The following METTL22 variants were observed in gnomAD, a reference collection of about 807,000 sequenced individuals.
The protein encoded by METTL22 is methyltransferase-like protein 22.
Under a neutral mutation model 48.4 loss-of-function variants are expected in METTL22, and 51 were observed. That is an observed-to-expected ratio of 1.05 (90% CI 0.84 to 1.33). METTL22 has a LOEUF of 1.33. Among genes scored for constraint, METTL22 ranks in the 40% most tolerant of loss-of-function variants. The probability of loss-of-function intolerance (pLI) is 0.00; values close to 1 mark genes in which losing one functional copy is unlikely to be tolerated. For missense variants in METTL22, 678 were observed against 526.9 expected, an observed-to-expected ratio of 1.29 and a Z score of -2.81; for synonymous variants, 255 against 214.1, an observed-to-expected ratio of 1.19 and a Z score of -1.67.
At chr16:8,654,686 C>G in the METTL22 span, among the ~76,000 whole-genome samples, 1 of 152,116 alleles carries the variant, frequency 6.6e-6, no homozygotes, top group Non-Finnish European at 1.5e-5. Flanking sequence ...GAGAAAAGTT[C>G]AGAGGGCAAA....
chr16:8,636,053 T>C (rs1013011290), intron 5 of METTL22, among the ~76,000 whole-genome samples: 10 of 152,188 alleles, frequency 6.6e-5, no homozygotes, highest in African/African-American at 2.4e-4. Context: ...GGGCTTTTAG[T>C]GGACCTTCCA....
chr16:8,646,834 C>A lies in METTL22; in HGVS notation c.*691C>A. The A allele has an allele frequency of 5.3e-6, 2 of 377,088 alleles. No individual in the cohort carries two copies. The highest frequency in any genetic ancestry group is 4.0e-5 in the South Asian group (2 of 50,528). The allele number at this position is 377,088 out of a possible 1,614,324, so 23.4% of individuals were successfully genotyped here. ...CCTTCCGCCTGGACTCATTTTCCCT[C>A]CGCCCCTTGGTCTCTCTGTCTTATC... On this transcript the variant is annotated 3_prime_UTR_variant, in exon 11 of 11. Coordinates refer to ENST00000381920, the MANE Select transcript of METTL22 (RefSeq NM_024109.4).
downstream of METTL22, among the ~76,000 whole-genome samples, chr16:8,650,345 A>G (rs2056876543): frequency 1.3e-5 from 2 of 152,104 alleles, no homozygotes. Flanking sequence ...AAAAAAACCC[A>G]CCAACTCCGG....
downstream of METTL22, among the ~76,000 whole-genome samples, chr16:8,652,060 G>A (rs923763976): frequency 6.6e-6 from 1 of 152,176 alleles, no homozygotes; most frequent in Non-Finnish European, 1.5e-5. Context: ...GCTTTATCCT[G>A]CTGATCCCAG....
the METTL22 span, among the ~76,000 whole-genome samples, chr16:8,662,079 CA>C: frequency 6.9e-6 from 1 of 144,878 alleles, no homozygotes; most frequent in South Asian, 2.2e-4. Context: ...CTGTCTCTAC[CA>C]AAAGAAAAAC....
Position 8,628,905 on chromosome 16 carries a change from G to A in METTL22, c.309G>A (p.Gly103=), listed in dbSNP as rs1452128904. ...HGNEGFSLQA[G]TDTTGQEVAE... ...ATGAGGGTTTCTCCCTCCAGGCCGG[G>A]ACTGACACCACTGGCCAGGAAGTGG... Residue 103 remains glycine (G), a synonymous_variant, in exon 3 of 11, where the codon GGG becomes GGA. Transcript: ENST00000381920. 7 of 1,613,842 alleles carry A rather than the reference G, an allele frequency of 4.3e-6. No individual in the cohort carries two copies. The highest frequency in any genetic ancestry group is 5.9e-6 in the Non-Finnish European group (7 of 1,180,012).
chr16:8,643,847 C>G lies in METTL22; in HGVS notation c.1011-710C>G, dbSNP rs190632452. Among the ~76,000 whole-genome samples the G allele has an allele frequency of 1.0e-3, 154 of 152,298 alleles. 3 individuals are homozygous for G. The highest frequency in any genetic ancestry group is 8.4e-3 in the Admixed American group (128 of 15,290). On this transcript the variant is annotated intron_variant, in intron 9 of 10. Transcript: ENST00000381920. ...CAGGCTGGTCTCAAACTCCTGACCTCAGGTGATCTGCCCTCCTCGGCCTCC... is the reference window on the plus strand; with the variant it reads ...CAGGCTGGTCTCAAACTCCTGACCTGAGGTGATCTGCCCTCCTCGGCCTCC...
In METTL22 at chr16:8,642,453, C is replaced by T. The variant is rs755447620; in HGVS notation, c.908-10C>T. On this transcript the variant is annotated splice_polypyrimidine_tract_variant and intron_variant, in intron 8 of 10. Coordinates refer to ENST00000381920, the MANE Select transcript of METTL22 (RefSeq NM_024109.4). ...TTTTCCTCTAATGCTGGCCTTTTTG[C>T]TTCCCACAGTGTTTTACGACGACGA... The T allele has an allele frequency of 1.2e-6, 2 of 1,613,406 alleles. No individual in the cohort carries two copies. The highest frequency in any genetic ancestry group is 3.3e-5 in the Admixed American group (2 of 60,030).
In METTL22 at chr16:8,642,527, GA is replaced by G; in HGVS notation, c.977del (p.Asn326MetfsTer17). 6.2e-7 allele frequency: 1 copy of G among 1,614,190 alleles called. No individual in the cohort carries two copies. The highest frequency in any genetic ancestry group is 8.5e-7 in the Non-Finnish European group (1 of 1,180,032). On this transcript the variant is annotated frameshift_variant, in exon 9 of 11. Transcript: ENST00000381920. LOFTEE classifies it high-confidence loss of function. ...KTLSRLAHRL[K>X]NACTAILSVE... ...CGCTCTCCCGACTCGCCCACAGATTGAAAAATGCCTGCACAGCCATACTGTC... is the reference window on the plus strand; with the variant it reads ...CGCTCTCCCGACTCGCCCACAGATTGAAAATGCCTGCACAGCCATACTGTC...
intron 3 of METTL22, among the ~76,000 whole-genome samples, chr16:8,634,401 T>TCTC (rs2056359908): frequency 6.6e-6 from 1 of 152,196 alleles, no homozygotes. Flanking sequence ...TCATTCCTTT[T>TCTC]CTCCTTGATC....
chr16:8,651,033 A>C (rs1220435697), downstream of METTL22, among the ~76,000 whole-genome samples: 1 of 151,682 alleles, frequency 6.6e-6, no homozygotes, highest in Non-Finnish European at 1.5e-5. Context: ...AAAATAATAT[A>C]AATAAATAAA....
At chr16:8,661,047 C>G in the METTL22 span, among the ~76,000 whole-genome samples, 1 of 152,158 alleles carries the variant, frequency 6.6e-6, no homozygotes, top group Non-Finnish European at 1.5e-5. Context: ...ATGTCATGTT[C>G]TCCTCCCCCA....
chr16:8,639,899 C>T (rs773162658), intron 6 of METTL22, among the ~76,000 whole-genome samples: 6 of 151,894 alleles, frequency 4.0e-5, no homozygotes, highest in Non-Finnish European at 8.8e-5. Context: ...CCACCACCAA[C>T]AGCCGACCTC....
At chr16:8,631,351 T>C (rs2056255011) in intron 3 of METTL22, 2 of 152,298 alleles carry the variant, frequency 1.3e-5, no homozygotes, top group South Asian at 4.1e-4. Flanking sequence ...AGAAATAAAG[T>C]GAGACCCCAA....
At position 8,648,862 on chromosome 16, in the gene METTL22, T is replaced by G. The variant is rs1020946269; in HGVS notation, c.*2719T>G. 6.6e-6 allele frequency: 1 copy of G among 152,218 alleles called. No homozygotes were observed. The highest frequency in any genetic ancestry group is 1.5e-5 in the Non-Finnish European group (1 of 68,052). The allele number at this position is 152,218 out of a possible 1,614,324, so 9.4% of individuals were successfully genotyped here. On this transcript the variant is annotated 3_prime_UTR_variant, in exon 11 of 11. Transcript: ENST00000381920. ...TGCATCTCAACGAGACCCTGGGTGA[T>G]TTGTGTGCACAGTAGTTTGAGAAGC...
intron 9 of METTL22, 99 bp downstream of exon 9, chr16:8,642,664 C>T (rs2056661030): frequency 2.6e-6 from 3 of 1,143,408 alleles, no homozygotes; most frequent in Admixed American, 1.7e-5. Context: ...GATTGTTACT[C>T]AGTGCCACTT....
At chr16:8,632,454 CT>C (rs999590683) in intron 3 of METTL22, among the ~76,000 whole-genome samples, 10 of 152,204 alleles carry the variant, frequency 6.6e-5, no homozygotes, top group Non-Finnish European at 5.9e-5. Context: ...GATCCTCCTG[CT>C]TTAGCCTTCC....
chr16:8,655,815 G>A, the METTL22 span, among the ~76,000 whole-genome samples: 3 of 152,228 alleles, frequency 2.0e-5, no homozygotes, highest in Admixed American at 1.3e-4. Context: ...AAACAAAGCC[G>A]TTCAATCTAT....
intron 6 of METTL22, 125 bp downstream of exon 6, chr16:8,639,287 G>A (rs2056520056): frequency 3.3e-6 from 3 of 919,820 alleles, no homozygotes; most frequent in Admixed American, 3.6e-5. Flanking sequence ...GGTGAGTAAG[G>A]GGAGCAGGCG....
Sources: allele counts gnomAD v4.1 joint callset (sites outside exome capture counted in the v4.1 genomes callset), GRCh38; gene constraint gnomAD v4.1.1; transcripts MANE v1.5; gene names NCBI Gene and HGNC (gene_info 2026-07-23, HGNC 2026-07-21).